The following PIBF1 variants were observed in gnomAD, a reference collection of about 807,000 sequenced individuals.
The protein encoded by PIBF1 is progesterone immunomodulatory binding factor 1.
PIBF1 carries 90 observed loss-of-function variants against 112.5 expected under a neutral mutation model. The ratio of observed to expected loss-of-function variants is 0.80; its 90% CI spans 0.67 to 0.95. PIBF1 has a LOEUF of 0.95. PIBF1 is among the 40% of genes least tolerant of loss of function. PIBF1 has a pLI of 0.00. For missense variants in PIBF1, 915 were observed against 852.3 expected (o/e 1.07, Z -0.92); for synonymous variants, 301 against 288.6 (o/e 1.04, Z -0.44).
chr13:72,801,093 G>T (rs1280961183), intron 5 of PIBF1, among the ~76,000 whole-genome samples: 2 of 152,192 alleles, frequency 1.3e-5, no homozygotes, highest in African/African-American at 4.8e-5. Context: ...TATGCTTGAA[G>T]GGTGGAGGAG....
At chr13:72,853,328 A>G (rs1480357894) in intron 9 of PIBF1, among the ~76,000 whole-genome samples, 6 of 152,128 alleles carry the variant, frequency 3.9e-5, no homozygotes, top group Non-Finnish European at 2.9e-5. Context: ...TACTTCTTTG[A>G]GCCCTACATG....
chr13:72,840,791 G>T (rs1030890066), intron 9 of PIBF1, among the ~76,000 whole-genome samples: 2 of 152,140 alleles, frequency 1.3e-5, no homozygotes, highest in Non-Finnish European at 1.5e-5. Context: ...CTCCCAAAGT[G>T]CTGGGATTAC....
At chr13:72,857,910 T>C (rs954935835) in intron 10 of PIBF1, among the ~76,000 whole-genome samples, 1 of 152,140 alleles carries the variant, frequency 6.6e-6, no homozygotes, top group Non-Finnish European at 1.5e-5. Context: ...GATAATACAT[T>C]GTGTTTGCGT....
intron 13 of PIBF1, among the ~76,000 whole-genome samples, chr13:72,922,927 A>G (rs1188720324): frequency 1.3e-5 from 2 of 152,214 alleles, no homozygotes; most frequent in African/African-American, 2.4e-5. Context: ...ATCACTGTTT[A>G]GTCCTTAGTC....
At chr13:72,990,213 CAAAAAAAAA>C (rs34873893) in intron 16 of PIBF1, among the ~76,000 whole-genome samples, 7 of 52,710 alleles carry the variant, frequency 1.3e-4, no homozygotes, top group Non-Finnish European at 1.4e-4. Flanking sequence ...GACTCTGTCT[CAAAAAAAAA>C]AAAAAAAAAA....
chr13:72,845,926 C>G (rs2037853274), intron 9 of PIBF1, among the ~76,000 whole-genome samples: 1 of 152,162 alleles, frequency 6.6e-6, no homozygotes, highest in South Asian at 2.1e-4. Flanking sequence ...GTCATTTTCT[C>G]AGTTCTTACC....
intron 17 of PIBF1, among the ~76,000 whole-genome samples, chr13:73,008,063 C>G (rs1241843503): frequency 6.6e-6 from 1 of 152,090 alleles, no homozygotes; most frequent in East Asian, 1.9e-4. Flanking sequence ...GGAATCTGTT[C>G]AAATTTTGGT....
At chr13:72,991,341 A>G (rs1311132669) in intron 16 of PIBF1, among the ~76,000 whole-genome samples, 2 of 152,282 alleles carry the variant, frequency 1.3e-5, no homozygotes, top group East Asian at 1.9e-4. Context: ...TAACTCTTCA[A>G]TTTTGAAAAG....
intron 9 of PIBF1, among the ~76,000 whole-genome samples, chr13:72,848,260 T>A (rs1594042532): frequency 6.6e-6 from 1 of 152,160 alleles, no homozygotes; most frequent in Non-Finnish European, 1.5e-5. Context: ...GGTCCTAAAG[T>A]TTTTCTCATT....
chr13:72,787,889 G>A lies in PIBF1; in HGVS notation c.252+4168G>A, dbSNP rs144578498. Reference sequence around the variant, plus strand: ...TGGCCAGGCTGGTCTCGAACTCCTGGCCTCAAGCAATCCACCCATTTCAGC... The same window carrying A: ...TGGCCAGGCTGGTCTCGAACTCCTGACCTCAAGCAATCCACCCATTTCAGC... On this transcript the variant is annotated intron_variant, in intron 2 of 17. Coordinates refer to ENST00000326291, the MANE Select transcript of PIBF1 (RefSeq NM_006346.4). 8.7e-3 allele frequency among the ~76,000 whole-genome samples: 1,322 copies of A among 152,102 alleles called. 65 individuals carry two copies. The highest frequency in any genetic ancestry group is 9.7e-3 in the East Asian group (50 of 5,150).
intron 9 of PIBF1, among the ~76,000 whole-genome samples, chr13:72,842,927 G>A (rs1295309224): frequency 6.6e-6 from 1 of 152,096 alleles, no homozygotes; most frequent in Non-Finnish European, 1.5e-5. Flanking sequence ...TACAACGTGT[G>A]TTCACTGCTT....
chr13:72,793,001 A>G (rs1029672175), intron 3 of PIBF1, among the ~76,000 whole-genome samples: 3 of 152,230 alleles, frequency 2.0e-5, no homozygotes, highest in African/African-American at 7.2e-5. Context: ...AATGAAATAA[A>G]TTCTTTGGAA....
At chr13:72,806,871 T>C (rs2035759912) in intron 5 of PIBF1, among the ~76,000 whole-genome samples, 1 of 152,202 alleles carries the variant, frequency 6.6e-6, no homozygotes, top group Non-Finnish European at 1.5e-5. Flanking sequence ...CCTTTGGGTA[T>C]ATACCCAGTA....
Position 72,844,752 on chromosome 13 carries a change from C to CACACACACGGATGAAGTCTTACTGTTT in PIBF1, c.1224-9297_1224-9296insGGATGAAGTCTTACTGTTTACACACAC, listed in dbSNP as rs1555296146. On this transcript the variant is annotated intron_variant, in intron 9 of 17. Coordinates refer to ENST00000326291, the MANE Select transcript of PIBF1 (RefSeq NM_006346.4). Reference sequence around the variant, plus strand: ...TTACACACACACACACACACACACACACACACACACACACACACACACACA... The same window carrying CACACACACGGATGAAGTCTTACTGTTT: ...TTACACACACACACACACACACACACACACACACGGATGAAGTCTTACTGTTTACACACACACACACACACACACACA... Among the ~76,000 whole-genome samples, 213 of 94,036 alleles carry CACACACACGGATGAAGTCTTACTGTTT rather than the reference C, an allele frequency of 2.3e-3. 5 individuals carry two copies. Among genetic ancestry groups the CACACACACGGATGAAGTCTTACTGTTT allele is most frequent in the African/African-American group, 7.9e-3 (185 of 23,526 alleles). 61.7% of individuals were successfully genotyped at this position (94,036 alleles called of 152,430 possible).
intron 12 of PIBF1, 73 bp downstream of exon 12, chr13:72,908,754 A>G (rs1834364491): frequency 2.1e-6 from 3 of 1,399,300 alleles, no homozygotes; most frequent in South Asian, 1.3e-5. Context: ...CCTTATTTCT[A>G]AAACTACTTT....
At chr13:72,786,216 G>A (rs1309238123) in intron 2 of PIBF1, among the ~76,000 whole-genome samples, 1 of 152,156 alleles carries the variant, frequency 6.6e-6, no homozygotes, top group South Asian at 2.1e-4. Context: ...CTACTTCCAT[G>A]GTGCTTAGTG....
Position 72,792,541 on chromosome 13 carries a change from A to G in PIBF1, c.347A>G (p.Asp116Gly). The G allele has an allele frequency of 6.6e-7, 1 of 1,508,120 alleles. No individual in the cohort carries two copies. Among genetic ancestry groups the G allele is most frequent in the South Asian group, 1.3e-5 (1 of 78,326 alleles). 93.4% of individuals were successfully genotyped at this position (1,508,120 alleles called of 1,614,324 possible). Residue 116 changes from aspartate (D) to glycine (G), a missense_variant, in exon 3 of 18, where the codon GAT becomes GGT. By Grantham distance (94) the Asp-to-Gly change is moderately conservative. Coordinates refer to ENST00000326291, the MANE Select transcript of PIBF1 (RefSeq NM_006346.4). ...AACCAATTGGCTTTTCAACAGAAAGATGCCAGGTAAGAAAAGTTTTTTTTA... is the reference window on the plus strand; with the variant it reads ...AACCAATTGGCTTTTCAACAGAAAGGTGCCAGGTAAGAAAAGTTTTTTTTA... Reference protein sequence around the residue: ...LDNQLAFQQKDASKYQELMKQ... With the variant: ...LDNQLAFQQKGASKYQELMKQ...
chr13:72,902,163 T>C (rs1009899231), intron 11 of PIBF1, among the ~76,000 whole-genome samples: 5 of 152,108 alleles, frequency 3.3e-5, no homozygotes, highest in African/African-American at 7.2e-5. Flanking sequence ...CATGTTCTAC[T>C]GATATGTGGG....
chr13:72,912,720 A>G (rs932029468), intron 12 of PIBF1, among the ~76,000 whole-genome samples: 9 of 152,292 alleles, frequency 5.9e-5, no homozygotes, highest in African/African-American at 1.4e-4. Context: ...GTGTATCTCA[A>G]AGGAAAATGG....
Sources: allele counts gnomAD v4.1 joint callset (sites outside exome capture counted in the v4.1 genomes callset), GRCh38; gene constraint gnomAD v4.1.1; transcripts MANE v1.5; gene names NCBI Gene and HGNC (gene_info 2026-07-23, HGNC 2026-07-21).